NRXN1: variants seen among roughly 807,000 people sequenced by gnomAD.
NRXN1 encodes the protein neurexin-1.
In NRXN1, 39 loss-of-function variants were observed where a neutral mutation model predicts 150.9. That is an observed-to-expected ratio of 0.26 (90% CI 0.20 to 0.34). The LOEUF (loss-of-function observed/expected upper bound fraction) is 0.34. Ranked by LOEUF, NRXN1 falls within the 10% of genes least tolerant of loss-of-function variation. The pLI, the probability that NRXN1 is intolerant of heterozygous loss-of-function variation, is 1.00. For missense variants in NRXN1, 1,815 were observed against 1,949.9 expected (o/e 0.93, Z 1.30); for synonymous variants, 924 against 757.0 (o/e 1.22, Z -3.62).
chr2:50,525,686 C>T (rs2092932584), intron 12 of NRXN1, among the ~76,000 whole-genome samples: 1 of 152,168 alleles, frequency 6.6e-6, no homozygotes, highest in Non-Finnish European at 1.5e-5. Flanking sequence ...GTGAAATGGC[C>T]ATTATTCAGA....
intron 19 of NRXN1, among the ~76,000 whole-genome samples, chr2:50,065,937 G>C (rs1000368796): frequency 1.3e-5 from 2 of 152,134 alleles, no homozygotes; most frequent in Non-Finnish European, 1.5e-5. Flanking sequence ...ATTTTGCTTG[G>C]ACGTCACATT....
At chr2:50,607,192 C>G (rs539971728) in intron 8 of NRXN1, among the ~76,000 whole-genome samples, 1 of 152,200 alleles carries the variant, frequency 6.6e-6, no homozygotes, top group South Asian at 2.1e-4. Flanking sequence ...CTCTGCAAAG[C>G]CTGCCGCCAG....
chr2:50,944,142 A>G (rs906638026), intron 2 of NRXN1, among the ~76,000 whole-genome samples: 2 of 152,230 alleles, frequency 1.3e-5, no homozygotes, highest in African/African-American at 4.8e-5. Flanking sequence ...AAGCAGTATA[A>G]TCTGGTACTA....
At chr2:50,791,224 T>A (rs1320403881) in intron 5 of NRXN1, among the ~76,000 whole-genome samples, 1 of 149,432 alleles carries the variant, frequency 6.7e-6, no homozygotes, top group Admixed American at 6.7e-5. Context: ...TGAATGTAAA[T>A]GCTTTACTAA....
At chr2:50,592,153 T>G (rs918528130) in intron 8 of NRXN1, among the ~76,000 whole-genome samples, 8 of 152,272 alleles carry the variant, frequency 5.3e-5, no homozygotes, top group Non-Finnish European at 1.2e-4. Context: ...TGCTAGCTAC[T>G]ACGACTACTC....
chr2:50,819,545 T>C (rs55721906), intron 5 of NRXN1, among the ~76,000 whole-genome samples: 5,131 of 151,662 alleles, frequency 0.034, 163 homozygotes, highest in East Asian at 0.079. Context: ...AGATAGGGAG[T>C]TGCTGTTCAA....
Position 50,219,266 on chromosome 2 carries a change from C to T in NRXN1, c.3546+17523G>A, listed in dbSNP as rs181197736. Among the ~76,000 whole-genome samples the T allele has an allele frequency of 9.2e-4, 139 of 151,538 alleles. 1 individual carries two copies. Among genetic ancestry groups the T allele is most frequent in the African/African-American group, 3.1e-3 (129 of 41,390 alleles). On this transcript the variant is annotated intron_variant, in intron 18 of 22. Coordinates refer to ENST00000401669, the MANE Select transcript of NRXN1 (RefSeq NM_001330078.2). ...GAGTACACTACTTCTATGTGTTATC[C>T]ACACAAATTTCATTATTTCAAGTAT... is the stretch of plus-strand genomic sequence containing the variant.
At chr2:50,845,031 T>G (rs948926311) in intron 5 of NRXN1, among the ~76,000 whole-genome samples, 1 of 152,060 alleles carries the variant, frequency 6.6e-6, no homozygotes, top group African/African-American at 2.4e-5. Context: ...TTTTCAAAAA[T>G]TCTTTTGTGT....
chr2:50,599,791 T>G (rs202104241), intron 8 of NRXN1, among the ~76,000 whole-genome samples: 3 of 152,202 alleles, frequency 2.0e-5, no homozygotes, highest in East Asian at 3.8e-4. Context: ...GAAGCTAAAA[T>G]ATGCATTATA....
intron 21 of NRXN1, among the ~76,000 whole-genome samples, chr2:49,975,624 T>A (rs1001364973): frequency 2.6e-5 from 4 of 152,212 alleles, no homozygotes; most frequent in African/African-American, 9.6e-5. Context: ...TGTCATGTGT[T>A]TTTTTCTATT....
intron 18 of NRXN1, among the ~76,000 whole-genome samples, chr2:50,136,485 C>T (rs1477127664): frequency 3.3e-5 from 5 of 152,124 alleles, no homozygotes; most frequent in African/African-American, 1.2e-4. Flanking sequence ...ATAATTTTGT[C>T]TCTAATATCA....
chr2:50,151,357 ATTTCAG>A (rs1201969728), intron 18 of NRXN1, among the ~76,000 whole-genome samples: 1 of 150,364 alleles, frequency 6.7e-6, no homozygotes, highest in African/African-American at 2.4e-5. Context: ...AGACAGTTAC[ATTTCAG>A]ACTCTTCAAA....
At chr2:50,050,675 T>C (rs1256536821) in intron 21 of NRXN1, among the ~76,000 whole-genome samples, 1 of 152,052 alleles carries the variant, frequency 6.6e-6, no homozygotes, top group African/African-American at 2.4e-5. Context: ...AACTTCCTGG[T>C]TTAAATATTA....
chr2:50,600,299 A>G (rs1676031901), intron 8 of NRXN1, among the ~76,000 whole-genome samples: 1 of 150,892 alleles, frequency 6.6e-6, no homozygotes, highest in Non-Finnish European at 1.5e-5. Context: ...AAAAATTTCT[A>G]GGTAAAAGTA....
intron 5 of NRXN1, among the ~76,000 whole-genome samples, chr2:50,920,534 A>T (rs1270357079): frequency 1.3e-5 from 2 of 151,828 alleles, no homozygotes. Context: ...AAACACATAT[A>T]CATATACTTT....
In NRXN1 at chr2:50,212,468, T is replaced by A. The variant is rs1447912358; in HGVS notation, c.3546+24321A>T. ...GTAAGAGCATCGATTTGAGTCTGGTTTTTTTTTTCTCTCTTCTATACACAG... is the reference window on the plus strand; with the variant it reads ...GTAAGAGCATCGATTTGAGTCTGGTATTTTTTTTCTCTCTTCTATACACAG... On this transcript the variant is annotated intron_variant, in intron 18 of 22. Transcript: ENST00000401669. Among the ~76,000 whole-genome samples the A allele has an allele frequency of 2.0e-5, 3 of 151,294 alleles. No homozygotes were observed. In the Admixed American group the frequency reaches 2.0e-4, roughly 10 times the overall value.
At chr2:50,209,434 C>G (rs560756614) in intron 18 of NRXN1, among the ~76,000 whole-genome samples, 4 of 152,094 alleles carry the variant, frequency 2.6e-5, no homozygotes, top group Non-Finnish European at 5.9e-5. Flanking sequence ...AACTCCATGA[C>G]GTGGGTAGTA....
intron 8 of NRXN1, among the ~76,000 whole-genome samples, chr2:50,559,502 A>G (rs868184058): frequency 9.9e-5 from 15 of 152,240 alleles, no homozygotes; most frequent in African/African-American, 3.6e-4. Context: ...TCCACAGAAC[A>G]TGTTACACTG....
intron 19 of NRXN1, among the ~76,000 whole-genome samples, chr2:50,086,900 C>G (rs1563026): frequency 0.34 from 51,410 of 151,558 alleles, 10,182 homozygotes; most frequent in African/African-American, 0.53. Flanking sequence ...TGTTCATTAG[C>G]TTTTACAGTG....
Sources: allele counts gnomAD v4.1 joint callset (sites outside exome capture counted in the v4.1 genomes callset), GRCh38; gene constraint gnomAD v4.1.1; transcripts MANE v1.5; gene names NCBI Gene and HGNC (gene_info 2026-07-23, HGNC 2026-07-21).